Variants in MTHFD2L observed in about 807,000 individuals in gnomAD.
MTHFD2L encodes the protein methylenetetrahydrofolate dehydrogenase (NADP+ dependent) 2 like, also known as bifunctional methylenetetrahydrofolate dehydrogenase/cyclohydrolase 2, mitochondrial.
MTHFD2L carries 29 observed loss-of-function variants against 34.9 expected under a neutral mutation model. The ratio of observed to expected loss-of-function variants is 0.83; its 90% CI spans 0.62 to 1.13. The LOEUF is 1.13. Among genes scored for constraint, MTHFD2L ranks in the 50% most tolerant of loss-of-function variants. The probability of loss-of-function intolerance (pLI) is 0.00; values close to 1 mark genes in which losing one functional copy is unlikely to be tolerated. For synonymous variants in MTHFD2L, 167 were observed against 155.7 expected, an observed-to-expected ratio of 1.07 and a Z score of -0.54; for missense variants, 481 against 446.5, an observed-to-expected ratio of 1.08 and a Z score of -0.70.
At chr4:74,177,134 T>A (rs1267898062) in intron 3 of MTHFD2L, among the ~76,000 whole-genome samples, 8 of 151,938 alleles carry the variant, frequency 5.3e-5, no homozygotes, top group Admixed American at 5.2e-4. Context: ...AAAGTTAGTA[T>A]AGTGATAGTA....
At chr4:74,132,594 G>A (rs963845868) in intron 1 of MTHFD2L, among the ~76,000 whole-genome samples, 1 of 152,080 alleles carries the variant, frequency 6.6e-6, no homozygotes, top group African/African-American at 2.4e-5. Context: ...GTCAGAGGGT[G>A]GGGCGCTAAG....
At chr4:74,138,607 C>T (rs554991387) in intron 1 of MTHFD2L, among the ~76,000 whole-genome samples, 3 of 152,252 alleles carry the variant, frequency 2.0e-5, no homozygotes, top group African/African-American at 7.2e-5. Context: ...ATGGGAACCT[C>T]GCTGGATCAG....
In MTHFD2L at chr4:74,259,148, C is replaced by G. The variant is rs147705919; in HGVS notation, c.806-22277C>G. On this transcript the variant is annotated intron_variant, in intron 6 of 7. Coordinates refer to ENST00000325278, the MANE Select transcript of MTHFD2L (RefSeq NM_001144978.3). Reference sequence around the variant, plus strand: ...AAGTTGCAGCTAAGAACACAAGGCTCTCTCTCAGATCCCAGTCTGGCATCT... The same window carrying G: ...AAGTTGCAGCTAAGAACACAAGGCTGTCTCTCAGATCCCAGTCTGGCATCT... Among the ~76,000 whole-genome samples, 1,366 of 152,232 alleles carry G rather than the reference C, an allele frequency of 9.0e-3. 21 individuals are homozygous for G. Among genetic ancestry groups the G allele is most frequent in the African/African-American group, 0.031 (1,286 of 41,540 alleles).
chr4:74,154,632 GATTT>G (rs1204589102), upstream of MTHFD2L, among the ~76,000 whole-genome samples: 3 of 152,012 alleles, frequency 2.0e-5, no homozygotes, highest in African/African-American at 2.4e-5. Flanking sequence ...ATCAATGTGG[GATTT>G]ATTTGAGTTC....
intron 3 of MTHFD2L, among the ~76,000 whole-genome samples, chr4:74,175,904 C>T (rs1251364311): frequency 2.6e-5 from 4 of 151,956 alleles, no homozygotes; most frequent in Admixed American, 2.6e-4. Context: ...GTAGTTGGAG[C>T]AGTGTTTGTC....
At chr4:74,153,879 A>G, upstream of MTHFD2L, among the ~76,000 whole-genome samples, 1 of 152,306 alleles carries the variant, frequency 6.6e-6, no homozygotes, top group East Asian at 1.9e-4. Context: ...ATATGATAAA[A>G]TGAATCTATA....
chr4:74,203,197 C>G (rs768330206), intron 5 of MTHFD2L, among the ~76,000 whole-genome samples: 2 of 150,500 alleles, frequency 1.3e-5, no homozygotes, highest in Non-Finnish European at 3.0e-5. Context: ...CTCCAGATAA[C>G]TTTAAAAAGC....
chr4:74,186,672 CAAACT>C (rs909181356), intron 3 of MTHFD2L, among the ~76,000 whole-genome samples: 1 of 151,914 alleles, frequency 6.6e-6, no homozygotes, highest in Non-Finnish European at 1.5e-5. Flanking sequence ...ATTTCTGAGA[CAAACT>C]AAAGGAGGCC....
At chr4:74,270,676 GTA>G (rs1422706202) in intron 6 of MTHFD2L, among the ~76,000 whole-genome samples, 1 of 152,138 alleles carries the variant, frequency 6.6e-6, no homozygotes, top group Non-Finnish European at 1.5e-5. Context: ...AATCCTTTGG[GTA>G]TATACCCAGT....
chr4:74,127,400 C>T (rs1710756747), intron 1 of MTHFD2L, among the ~76,000 whole-genome samples: 1 of 152,114 alleles, frequency 6.6e-6, no homozygotes, highest in Admixed American at 6.6e-5. Context: ...GTTCTTCCTC[C>T]TCACTTCCAA....
At chr4:74,246,434 T>A (rs1261347807) in intron 6 of MTHFD2L, among the ~76,000 whole-genome samples, 3 of 152,046 alleles carry the variant, frequency 2.0e-5, no homozygotes, top group South Asian at 4.1e-4. Context: ...AGGTTGCCTG[T>A]TCACTCTGAT....
chr4:74,289,431 G>A (rs896336390), intron 7 of MTHFD2L, among the ~76,000 whole-genome samples: 5 of 152,252 alleles, frequency 3.3e-5, no homozygotes, highest in African/African-American at 1.2e-4. Flanking sequence ...AAGGAAGTGA[G>A]TGATAGAGAA....
intron 1 of MTHFD2L, among the ~76,000 whole-genome samples, chr4:74,138,304 C>T (rs990598455): frequency 3.9e-5 from 6 of 152,002 alleles, no homozygotes; most frequent in South Asian, 2.1e-4. Flanking sequence ...TTGTTACAGG[C>T]GGGTCTTTGT....
chr4:74,172,980 A>C (rs1260602657), intron 1 of MTHFD2L, among the ~76,000 whole-genome samples: 1 of 152,222 alleles, frequency 6.6e-6, no homozygotes, highest in South Asian at 2.1e-4. Flanking sequence ...TTAGAAAATT[A>C]AAAGTGTACA....
At chr4:74,217,426 C>G (rs976766814) in intron 5 of MTHFD2L, among the ~76,000 whole-genome samples, 2 of 151,832 alleles carry the variant, frequency 1.3e-5, no homozygotes, top group Non-Finnish European at 2.9e-5. Context: ...CTTCATTTGT[C>G]TAAAAGAGAT....
chr4:74,173,557 A>C (rs1178597920), intron 1 of MTHFD2L, among the ~76,000 whole-genome samples: 1 of 152,116 alleles, frequency 6.6e-6, no homozygotes, highest in Non-Finnish European at 1.5e-5. Context: ...TGAGTAAGTT[A>C]AAAGAGTTGT....
At chr4:74,201,871 A>T (rs1322045422) in intron 5 of MTHFD2L, among the ~76,000 whole-genome samples, 5 of 152,302 alleles carry the variant, frequency 3.3e-5, no homozygotes, top group Non-Finnish European at 7.4e-5. Flanking sequence ...GCCCAGGAAG[A>T]TGTGTTAGCC....
intron 7 of MTHFD2L, among the ~76,000 whole-genome samples, chr4:74,292,049 T>A (rs981705253): frequency 6.6e-6 from 1 of 152,188 alleles, no homozygotes; most frequent in Non-Finnish European, 1.5e-5. Flanking sequence ...AAAGCCCCTC[T>A]GTGAGACTGT....
At position 74,158,130 on chromosome 4, in the gene MTHFD2L, T is replaced by G. The variant is rs1724523991; in HGVS notation, c.-9T>G. 6.5e-7 allele frequency: 1 copy of G among 1,530,642 alleles called. No homozygotes were observed. Among genetic ancestry groups the G allele is most frequent in the Non-Finnish European group, 8.8e-7 (1 of 1,141,634 alleles). 94.8% of individuals were successfully genotyped at this position (1,530,642 alleles called of 1,614,324 possible). On this transcript the variant is annotated 5_prime_UTR_variant, in exon 1 of 8. Coordinates refer to ENST00000325278, the MANE Select transcript of MTHFD2L (RefSeq NM_001144978.3). ...GGAGCCCCAGTCCGGAAGCCGGGGA[T>G]CCGCGGCCATGACGGTGCCGGTCCG...
Sources: gnomAD v4.1 joint callset for allele counts (sites outside exome capture counted in the v4.1 genomes callset) on GRCh38, gnomAD v4.1.1 for gene constraint, MANE v1.5 for transcripts, NCBI Gene and HGNC (gene_info 2026-07-23, HGNC 2026-07-21) for gene names.